Variants in SSBP2 observed in about 807,000 individuals in gnomAD.
SSBP2 encodes single-stranded DNA-binding protein 2.
A neutral mutation model predicts 61.8 loss-of-function variants in SSBP2; 17 were observed. The observed-to-expected ratio is 0.28, with a 90% CI of 0.19 to 0.41. SSBP2 has a LOEUF of 0.41. Among genes scored for constraint, SSBP2 ranks in the 10% least tolerant of loss-of-function variants. The pLI is 1.00. For synonymous variants in SSBP2, 139 were observed against 141.3 expected, an observed-to-expected ratio of 0.98 and a Z score of 0.12; for missense variants, 310 against 458.7, an observed-to-expected ratio of 0.68 and a Z score of 2.96.
chr5:81,605,186 T>C (rs931332313), intron 4 of SSBP2, among the ~76,000 whole-genome samples: 2 of 146,840 alleles, frequency 1.4e-5, no homozygotes, highest in Admixed American at 1.4e-4. Flanking sequence ...AGAGTTCTTA[T>C]GCTCTTATTC....
intron 1 of SSBP2, among the ~76,000 whole-genome samples, chr5:81,728,338 G>T (rs1025563516): frequency 6.6e-5 from 10 of 152,102 alleles, no homozygotes; most frequent in Non-Finnish European, 1.3e-4. Flanking sequence ...ACTTAAAAGG[G>T]CAGCATCTTT....
intron 4 of SSBP2, among the ~76,000 whole-genome samples, chr5:81,594,424 A>G (rs1421747743): frequency 2.0e-5 from 3 of 152,150 alleles, no homozygotes; most frequent in Admixed American, 2.0e-4. Context: ...TCAACATTAG[A>G]CAGATCAACG....
chr5:81,610,938 G>A lies in SSBP2; in HGVS notation c.282+4535C>T, dbSNP rs143264651. ...GAACCCGGGAGGCGGAGGTTGTGGTGAGCCAAGATCACACCATTGCACTCC... is the reference window on the plus strand; with the variant it reads ...GAACCCGGGAGGCGGAGGTTGTGGTAAGCCAAGATCACACCATTGCACTCC... On this transcript the variant is annotated intron_variant, in intron 4 of 16. Coordinates refer to ENST00000320672, the MANE Select transcript of SSBP2 (RefSeq NM_012446.5). Among the ~76,000 whole-genome samples, 1,033 of 152,306 alleles carry A rather than the reference G, an allele frequency of 6.8e-3. 12 individuals carry two copies. The highest frequency in any genetic ancestry group is 0.024 in the African/African-American group (1,003 of 41,566).
intron 11 of SSBP2, 46 bp from the exon 12 acceptor site, chr5:81,446,968 G>A: frequency 1.4e-6 from 2 of 1,404,832 alleles, no homozygotes; most frequent in South Asian, 1.4e-5. Context: ...CATTGCATAA[G>A]AAAAAACAGA....
chr5:81,504,227 CTT>C (rs1768011152), intron 5 of SSBP2, among the ~76,000 whole-genome samples: 1 of 152,172 alleles, frequency 6.6e-6, no homozygotes, highest in Admixed American at 6.5e-5. Context: ...ATAATAATCT[CTT>C]GTCAAAATTT....
intron 4 of SSBP2, among the ~76,000 whole-genome samples, chr5:81,578,761 CA>C (rs1222358446): frequency 6.6e-6 from 1 of 151,712 alleles, no homozygotes; most frequent in Admixed American, 6.6e-5. Context: ...AAGCAATTAT[CA>C]ACTTTCTATA....
intron 1 of SSBP2, chr5:81,750,681 G>A (rs1757702380): frequency 9.0e-6 from 4 of 445,012 alleles, no homozygotes; most frequent in Non-Finnish European, 1.2e-5. Context: ...TGAACCCGCG[G>A]GTTATTTCCC....
At chr5:81,660,171 G>A (rs1750566921) in intron 1 of SSBP2, among the ~76,000 whole-genome samples, 4 of 152,024 alleles carry the variant, frequency 2.6e-5, no homozygotes, top group Non-Finnish European at 4.4e-5. Context: ...AGACAAATGG[G>A]ATCTAATTAA....
At chr5:81,421,815 C>A (rs149901515) in intron 16 of SSBP2, among the ~76,000 whole-genome samples, 3 of 152,120 alleles carry the variant, frequency 2.0e-5, no homozygotes, top group Admixed American at 1.3e-4. Flanking sequence ...TATGTGCCTA[C>A]TGAGCATATG....
At chr5:81,687,208 T>A (rs1752879666) in intron 1 of SSBP2, among the ~76,000 whole-genome samples, 1 of 152,204 alleles carries the variant, frequency 6.6e-6, no homozygotes, top group African/African-American at 2.4e-5. Context: ...GCACAGTGAC[T>A]GTGGGACTTC....
intron 1 of SSBP2, chr5:81,710,711 G>A (rs1343451704): frequency 4.4e-6 from 2 of 454,994 alleles, no homozygotes; most frequent in East Asian, 6.9e-5. Context: ...CATGAGGGCT[G>A]AGGGGATCAC....
intron 1 of SSBP2, among the ~76,000 whole-genome samples, chr5:81,711,459 G>A (rs7708809): frequency 0.091 from 13,865 of 152,064 alleles, 2,134 homozygotes; most frequent in African/African-American, 0.32. Flanking sequence ...AAAAAAGCAG[G>A]AGGCAATCTT....
At chr5:81,602,860 T>G (rs1744506923) in intron 4 of SSBP2, among the ~76,000 whole-genome samples, 1 of 152,130 alleles carries the variant, frequency 6.6e-6, no homozygotes, top group South Asian at 2.1e-4. Flanking sequence ...TTTACAAAAT[T>G]TGCTACCACT....
intron 1 of SSBP2, among the ~76,000 whole-genome samples, chr5:81,661,935 T>C (rs1750730572): frequency 6.6e-6 from 1 of 152,212 alleles, no homozygotes; most frequent in Non-Finnish European, 1.5e-5. Flanking sequence ...TGTGAAGCTT[T>C]TCACCTATGT....
At position 81,489,293 on chromosome 5, in the gene SSBP2, C is replaced by T; in HGVS notation, c.389G>A (p.Arg130Gln). The change falls in exon 6 of 17, where the codon CGG becomes CAG. Residue 130 changes from arginine (R) to glutamine (Q), a missense_variant. By Grantham distance (43) the Arg-to-Gln change is conservative. Coordinates refer to ENST00000320672, the MANE Select transcript of SSBP2 (RefSeq NM_012446.5). ...TGGGGGCCTTGGACCTCCAGGGTAC[C>T]GAGGTGACATAAAAGGCTATTGAAG... 6.8e-6 allele frequency: 11 copies of T among 1,606,658 alleles called. No individual in the cohort carries two copies. Among genetic ancestry groups the T allele is most frequent in the Non-Finnish European group, 9.3e-6 (11 of 1,177,690 alleles).
At chr5:81,681,519 CAAAAAA>C (rs35721340) in intron 1 of SSBP2, among the ~76,000 whole-genome samples, 3 of 107,092 alleles carry the variant, frequency 2.8e-5, no homozygotes, top group Non-Finnish European at 6.1e-5. Context: ...GGCTCCACCT[CAAAAAA>C]AAAAAAAAAA....
intron 1 of SSBP2, among the ~76,000 whole-genome samples, chr5:81,725,592 A>G (rs1755824792): frequency 6.6e-6 from 1 of 152,196 alleles, no homozygotes; most frequent in Non-Finnish European, 1.5e-5. Context: ...GTAGCAGAAT[A>G]TTACAGACAA....
At chr5:81,688,517 G>A (rs571566842) in intron 1 of SSBP2, among the ~76,000 whole-genome samples, 18 of 152,304 alleles carry the variant, frequency 1.2e-4, no homozygotes, top group South Asian at 6.2e-4. Context: ...TTATAGCCAC[G>A]GGGGTGCTTG....
chr5:81,582,873 G>A (rs1774766153), intron 4 of SSBP2, among the ~76,000 whole-genome samples: 1 of 152,124 alleles, frequency 6.6e-6, no homozygotes, highest in South Asian at 2.1e-4. Context: ...GATTACAGGT[G>A]TGAGCAACCG....
Sources: gnomAD v4.1 joint callset for allele counts (sites outside exome capture counted in the v4.1 genomes callset) on GRCh38, gnomAD v4.1.1 for gene constraint, MANE v1.5 for transcripts, NCBI Gene and HGNC (gene_info 2026-07-23, HGNC 2026-07-21) for gene names.